The following CDK14 variants were observed in gnomAD, a reference collection of about 807,000 sequenced individuals.
CDK14 encodes the protein cyclin-dependent kinase 14.
Under a neutral mutation model 60.7 loss-of-function variants are expected in CDK14, and 34 were observed. The observed-to-expected ratio is 0.56, with a 90% CI of 0.43 to 0.75. The LOEUF (loss-of-function observed/expected upper bound fraction) is 0.75. CDK14 is among the 30% of genes least tolerant of loss of function. The pLI is 0.00. For missense variants in CDK14, 482 were observed against 564.1 expected (o/e 0.85, Z 1.47); for synonymous variants, 197 against 203.7 (o/e 0.97, Z 0.28).
intron 11 of CDK14, among the ~76,000 whole-genome samples, chr7:91,059,318 G>A (rs1328625933): frequency 6.6e-6 from 1 of 151,944 alleles, no homozygotes; most frequent in Non-Finnish European, 1.5e-5. Context: ...AGTCTTGCTA[G>A]CGGTCTATCA....
intron 5 of CDK14, among the ~76,000 whole-genome samples, chr7:90,854,749 A>G (rs1454875645): frequency 1.3e-5 from 2 of 152,250 alleles, no homozygotes. Flanking sequence ...AATGAAGCAA[A>G]CTGCCTAACG....
chr7:90,728,285 T>A (rs1156674246), intron 3 of CDK14, among the ~76,000 whole-genome samples: 1 of 151,978 alleles, frequency 6.6e-6, no homozygotes, highest in Non-Finnish European at 1.5e-5. Context: ...AAAAATTTTC[T>A]TATATGTTTA....
intron 5 of CDK14, among the ~76,000 whole-genome samples, chr7:90,844,722 C>T (rs951127892): frequency 1.4e-4 from 21 of 152,130 alleles, no homozygotes; most frequent in African/African-American, 4.1e-4. Context: ...GTTTTTAAAT[C>T]GTATTGGAAA....
chr7:90,827,194 C>T (rs1044300453), intron 5 of CDK14, among the ~76,000 whole-genome samples: 5 of 151,850 alleles, frequency 3.3e-5, no homozygotes, highest in Non-Finnish European at 7.4e-5. Context: ...TACAGTAGAA[C>T]GATAGATTGT....
At chr7:90,717,919 G>A (rs919102269) in intron 2 of CDK14, among the ~76,000 whole-genome samples, 1 of 151,972 alleles carries the variant, frequency 6.6e-6, no homozygotes, top group Non-Finnish European at 1.5e-5. Flanking sequence ...ACAGTGCTCA[G>A]CAAAGACGGA....
chr7:91,005,197 C>G (rs537998117), intron 10 of CDK14, among the ~76,000 whole-genome samples: 1 of 152,308 alleles, frequency 6.6e-6, no homozygotes, highest in East Asian at 1.9e-4. Context: ...AGGAAATCCC[C>G]TCCTGGGTTC....
intron 14 of CDK14, among the ~76,000 whole-genome samples, chr7:91,206,488 C>A (rs17259383): frequency 0.03 from 4,551 of 152,264 alleles, 104 homozygotes; most frequent in South Asian, 0.042. Context: ...ATCCTGGAGA[C>A]TCAATGAAAA....
At chr7:90,747,812 G>A in intron 4 of CDK14, 37 bp downstream of exon 4, 1 of 1,047,334 alleles carries the variant, frequency 9.5e-7, no homozygotes, top group Non-Finnish European at 1.4e-6. Context: ...CACATGTACA[G>A]TGTATCTGCC....
intron 2 of CDK14, chr7:90,709,405 C>G: frequency 1.4e-6 from 2 of 1,406,896 alleles, no homozygotes; most frequent in Non-Finnish European, 1.9e-6. Flanking sequence ...GGTGCATCCC[C>G]TTGATTAAAT....
At chr7:90,712,573 A>G (rs1365092285) in intron 2 of CDK14, among the ~76,000 whole-genome samples, 1 of 152,100 alleles carries the variant, frequency 6.6e-6, no homozygotes, top group Non-Finnish European at 1.5e-5. Flanking sequence ...ACATCGTAAT[A>G]AATACTTTAG....
intron 7 of CDK14, among the ~76,000 whole-genome samples, chr7:90,916,867 A>G (rs1793098484): frequency 6.6e-6 from 1 of 152,202 alleles, no homozygotes; most frequent in Non-Finnish European, 1.5e-5. Context: ...CTTCACAGAA[A>G]AGGCTATTAA....
At chr7:90,709,275 A>G (rs75040012) in intron 2 of CDK14, 3 of 533,544 alleles carry the variant, frequency 5.6e-6, no homozygotes, top group Non-Finnish European at 9.1e-6. Context: ...TGCAGCATGC[A>G]TGATGGTGGC....
At chr7:90,988,830 G>A (rs940765321) in intron 10 of CDK14, among the ~76,000 whole-genome samples, 6 of 152,040 alleles carry the variant, frequency 3.9e-5, no homozygotes, top group Non-Finnish European at 8.8e-5. Flanking sequence ...GCATTTGAAC[G>A]TTGATAACCC....
At chr7:90,870,974 A>AT (rs541421544) in intron 6 of CDK14, among the ~76,000 whole-genome samples, 4 of 152,062 alleles carry the variant, frequency 2.6e-5, no homozygotes, top group African/African-American at 4.8e-5. Context: ...GGAGATCATT[A>AT]TTTTTTTTCC....
chr7:90,597,472 G>A (rs1433856512), intron 1 of CDK14: 1 of 152,196 alleles, frequency 6.6e-6, no homozygotes, highest in East Asian at 1.9e-4. Context: ...CACGTGGAAT[G>A]GGTTTGTTAG....
At chr7:90,781,759 C>G (rs1302037196) in intron 4 of CDK14, among the ~76,000 whole-genome samples, 6 of 151,620 alleles carry the variant, frequency 4.0e-5, no homozygotes, top group Admixed American at 1.3e-4. Flanking sequence ...GGGCTCTGTT[C>G]TGTTCCATTG....
intron 12 of CDK14, among the ~76,000 whole-genome samples, chr7:91,100,965 G>A (rs186118307): frequency 1.9e-3 from 287 of 152,256 alleles, no homozygotes; most frequent in Non-Finnish European, 3.2e-3. Context: ...TTGAGTAAGG[G>A]TTAGATCTGA....
At chr7:90,760,474 G>C (rs1393296885) in intron 4 of CDK14, among the ~76,000 whole-genome samples, 5 of 152,150 alleles carry the variant, frequency 3.3e-5, no homozygotes, top group Non-Finnish European at 5.9e-5. Flanking sequence ...AGAGTCCTGA[G>C]AGGTTACCTG....
At chr7:90,772,163 T>C (rs1364842920) in intron 4 of CDK14, among the ~76,000 whole-genome samples, 1 of 152,172 alleles carries the variant, frequency 6.6e-6, no homozygotes, top group African/African-American at 2.4e-5. Context: ...TTGTTTTCTG[T>C]CACTGTAAAT....
Sources: gnomAD v4.1 joint callset for allele counts (sites outside exome capture counted in the v4.1 genomes callset) on GRCh38, gnomAD v4.1.1 for gene constraint, MANE v1.5 for transcripts, NCBI Gene and HGNC (gene_info 2026-07-23, HGNC 2026-07-21) for gene names.